GAREM2: variants seen among roughly 807,000 people sequenced by gnomAD.
GAREM2 encodes GRB2-associated and regulator of MAPK protein 2.
Under a neutral mutation model 55.6 loss-of-function variants are expected in GAREM2, and 30 were observed. The ratio of observed to expected loss-of-function variants is 0.54; its 90% CI spans 0.40 to 0.73. GAREM2 has a LOEUF of 0.73. GAREM2 is among the 30% of genes least tolerant of loss of function. The pLI, the probability that GAREM2 is intolerant of heterozygous loss-of-function variation, is 0.00. For missense variants in GAREM2, 1,075 were observed against 1,257.7 expected, an observed-to-expected ratio of 0.85 and a Z score of 2.20; for synonymous variants, 550 against 569.1, an observed-to-expected ratio of 0.97 and a Z score of 0.48.
chr2:26,184,808 C>A lies in GAREM2; in HGVS notation c.960C>A (p.Asp320Glu), dbSNP rs1256158324. The change falls in exon 4 of 6, where the codon GAC becomes GAA. Residue 320 changes from aspartate to glutamate, a missense_variant. Transcript: ENST00000401533. ...CGCTGCACTTCCTGCTGCTCACGGA[C>A]ACGCCGCGCTTCGCGCTGCCGCAGG... ...PAPLHFLLLT[D>E]TPRFALPQGL... 1 of 1,491,520 alleles carries A rather than the reference C, an allele frequency of 6.7e-7. No individual in the cohort carries two copies. Among genetic ancestry groups the A allele is most frequent in the Non-Finnish European group, 8.9e-7 (1 of 1,128,516 alleles). The allele number at this position is 1,491,520 out of a possible 1,614,324, so 92.4% of individuals were successfully genotyped here.
chr2:26,177,152 G>T (rs1328121764), intron 2 of GAREM2, among the ~76,000 whole-genome samples: 2 of 152,128 alleles, frequency 1.3e-5, no homozygotes, highest in Non-Finnish European at 2.9e-5. Context: ...CGGAAGGCTT[G>T]GGGGAGGAGG....
At position 26,188,402 on chromosome 2, in the gene GAREM2, C is replaced by T. The variant is rs183546847; in HGVS notation, c.*145C>T. ...CCACTGGGTGGATCCAGGGGAGATG[C>T]ATGTGGAAATGTGGTCCTCTGGGGT... On this transcript the variant is annotated 3_prime_UTR_variant, in exon 6 of 6. Coordinates refer to ENST00000401533, the MANE Select transcript of GAREM2 (RefSeq NM_001168241.2). 2 of 583,824 alleles carry T rather than the reference C, an allele frequency of 3.4e-6. No homozygotes were observed. Among genetic ancestry groups the T allele is most frequent in the Admixed American group, 3.8e-5 (1 of 26,334 alleles). The allele number at this position is 583,824 out of a possible 1,614,324, so 36.2% of individuals were successfully genotyped here.
chr2:26,179,072 G>T lies in GAREM2; in HGVS notation c.253+2588G>T, dbSNP rs1464745236. ...AGCCGAGGGGAAGGCCGTGGAGGGA[G>T]GAGGACGGCGACTCGCGCCGGGTGG... On this transcript the variant is annotated intron_variant, in intron 2 of 5. Transcript: ENST00000401533. This position sits in a 1 kb window ranked among gnomAD's most constrained non-coding sequence, Gnocchi z 4.7. 6.6e-6 allele frequency among the ~76,000 whole-genome samples: 1 copy of T among 152,228 alleles called. No homozygotes were observed. The highest frequency in any genetic ancestry group is 1.5e-5 in the Non-Finnish European group (1 of 68,026).
At position 26,187,413 on chromosome 2, in the gene GAREM2, G is replaced by A; in HGVS notation, c.1781G>A (p.Arg594Gln). Residue 594 changes from arginine (R) to glutamine (Q), a missense_variant, in exon 6 of 6, where the codon CGA becomes CAA. Transcript: ENST00000401533. ...GCCCTCACAGAGCCTCTGAGCGGTC[G>A]AGCCGCCTCCCTTCTGGGGGCTGAC... ...SRALTEPLSG[R>Q]AASLLGADTP... 3 of 1,547,534 alleles carry A rather than the reference G, an allele frequency of 1.9e-6. No individual in the cohort carries two copies. The highest frequency in any genetic ancestry group is 2.6e-6 in the Non-Finnish European group (3 of 1,144,962).
chr2:26,174,435 C>T (rs942739632), intron 1 of GAREM2, among the ~76,000 whole-genome samples: 3 of 152,254 alleles, frequency 2.0e-5, no homozygotes, highest in Admixed American at 6.5e-5. Flanking sequence ...TCTCCCCTTT[C>T]TGGGCAGCTT....
the GAREM2 span, among the ~76,000 whole-genome samples, chr2:26,202,825 A>G: frequency 5.3e-5 from 8 of 152,252 alleles, no homozygotes; most frequent in African/African-American, 1.7e-4. Context: ...TCAGCAAACA[A>G]GATACTTGTC....
At chr2:26,195,173 C>A in the GAREM2 span, 1 of 1,612,028 alleles carries the variant, frequency 6.2e-7, no homozygotes, top group Non-Finnish European at 8.5e-7. Flanking sequence ...TTTTCTCGGT[C>A]GTGATAATCT....
At chr2:26,201,859 A>G in the GAREM2 span, among the ~76,000 whole-genome samples, 6 of 151,290 alleles carry the variant, frequency 4.0e-5, no homozygotes, top group East Asian at 1.2e-3. Flanking sequence ...CAGTGGCGTG[A>G]TCTCAGCTCA....
chr2:26,194,838 A>G, the GAREM2 span, among the ~76,000 whole-genome samples: 1 of 152,024 alleles, frequency 6.6e-6, no homozygotes, highest in East Asian at 1.9e-4. Flanking sequence ...ATCAAACAGT[A>G]CAGCAGATAG....
intron 2 of GAREM2, among the ~76,000 whole-genome samples, chr2:26,177,970 C>A (rs1052641823): frequency 8.5e-5 from 13 of 152,170 alleles, no homozygotes; most frequent in African/African-American, 3.1e-4. Context: ...CTCCTGACAA[C>A]CCCCTCACCA....
rs1669178649 is a variant in GAREM2 at position 26,184,844 on chromosome 2, C to T, written c.996C>T (p.Ala332=). 4 of 1,474,324 alleles carry T rather than the reference C, an allele frequency of 2.7e-6. No homozygotes were observed. Among genetic ancestry groups the T allele is most frequent in the East Asian group, 2.9e-5 (1 of 34,086 alleles). 91.3% of individuals were successfully genotyped at this position (1,474,324 alleles called of 1,614,324 possible). The change falls in exon 4 of 6, where the codon GCC becomes GCT. Residue 332 remains alanine (A), a synonymous_variant. Transcript: ENST00000401533. ...PRFALPQGLL[A]GDPRVERLVR... Reference sequence around the variant, plus strand: ...TCGCGCTGCCGCAGGGCCTGCTGGCCGGGGACCCGCGCGTCGAGCGCCTGG... The same window carrying T: ...TCGCGCTGCCGCAGGGCCTGCTGGCTGGGGACCCGCGCGTCGAGCGCCTGG...
Position 26,177,709 on chromosome 2 carries a change from C to T in GAREM2, c.253+1225C>T, listed in dbSNP as rs529852119. Among the ~76,000 whole-genome samples the T allele has an allele frequency of 1.2e-4, 18 of 152,214 alleles. No homozygotes were observed. The South Asian group carries it at 3.7e-3, about 32-fold the overall frequency. On this transcript the variant is annotated intron_variant, in intron 2 of 5. Transcript: ENST00000401533. ...GGAGAGGAGAGGCGCCATCTTGGCT[C>T]ACTGCCTCCGAGGTTCAAGGGATTC...
At chr2:26,180,330 T>C (rs999425747) in intron 2 of GAREM2, among the ~76,000 whole-genome samples, 12 of 152,226 alleles carry the variant, frequency 7.9e-5, no homozygotes, top group Non-Finnish European at 4.4e-5. Flanking sequence ...TGTGTGTTCA[T>C]GCTAGGAGCA....
chr2:26,187,696 CTCT>C lies in GAREM2; in HGVS notation c.2071_2073del (p.Ser691del), dbSNP rs751065029. 3.4e-6 allele frequency: 5 copies of C among 1,490,396 alleles called. No individual in the cohort carries two copies. Among genetic ancestry groups the C allele is most frequent in the Admixed American group, 2.4e-5 (1 of 41,412 alleles). The allele number at this position is 1,490,396 out of a possible 1,614,324, so 92.3% of individuals were successfully genotyped here. ...CCTCCTCCTGCGCCCCCTCCTCCTC[CTCT>C]TCTTCTGAATGGCAGGAACCAGTCC... On this transcript the variant is annotated inframe_deletion, in exon 6 of 6. Transcript: ENST00000401533.
chr2:26,187,625 T>C lies in GAREM2; in HGVS notation c.1993T>C (p.Ser665Pro), dbSNP rs1476909388. 7.1e-6 allele frequency: 11 copies of C among 1,548,638 alleles called. No homozygotes were observed. ...TGTGGCTACCTCTGGCCCTGCGTAT[T>C]CCCCAGGCCCAGCCTCGCCAGGCCA... ...GPVATSGPAY[S>P]PGPASPGQAY... Residue 665 changes from serine (S) to proline (P), a missense_variant, in exon 6 of 6, where the codon TCC becomes CCC. By Grantham distance (74) the Ser-to-Pro change is moderately conservative. This residue lies in a region of GAREM2 where 515 missense variants were observed against 501.5 expected (regional missense o/e 1.03). Coordinates refer to ENST00000401533, the MANE Select transcript of GAREM2 (RefSeq NM_001168241.2).
At chr2:26,194,744 A>G in the GAREM2 span, 21 of 801,322 alleles carry the variant, frequency 2.6e-5, no homozygotes, top group Admixed American at 3.8e-4. Context: ...AGTCACTGTA[A>G]AACTTAAGGT....
chr2:26,178,419 C>G lies in GAREM2; in HGVS notation c.253+1935C>G, dbSNP rs555814892. On this transcript the variant is annotated intron_variant, in intron 2 of 5. Transcript: ENST00000401533. ...AAAACAAAAACAAACAACCCCCCCC[C>G]CCAACAACAAATAAATTAGCTAGGC... 7.7e-3 allele frequency among the ~76,000 whole-genome samples: 1,171 copies of G among 152,016 alleles called. 7 individuals carry two copies. The highest frequency in any genetic ancestry group is 0.011 in the Non-Finnish European group (752 of 67,958).
intron 2 of GAREM2, among the ~76,000 whole-genome samples, chr2:26,180,271 C>A (rs1669002506): frequency 1.3e-5 from 2 of 152,224 alleles, no homozygotes; most frequent in Non-Finnish European, 2.9e-5. Context: ...GGGTCTCTCG[C>A]TGGGTTTAGG....
intron 2 of GAREM2, among the ~76,000 whole-genome samples, chr2:26,177,730 G>A (rs1364733644): frequency 2.0e-5 from 3 of 152,076 alleles, no homozygotes; most frequent in African/African-American, 7.2e-5. Context: ...AGGTTCAAGG[G>A]ATTCTCCTGC....
Sources: allele counts gnomAD v4.1 joint callset (sites outside exome capture counted in the v4.1 genomes callset), GRCh38; gene constraint gnomAD v4.1.1; regional missense constraint gnomAD v4.1.1; non-coding constraint Gnocchi (gnomAD v3.1); transcripts MANE v1.5; gene names NCBI Gene and HGNC (gene_info 2026-07-23, HGNC 2026-07-21).